The following RASA2 variants were observed in gnomAD, a reference collection of about 807,000 sequenced individuals.
RASA2 encodes the protein ras GTPase-activating protein 2.
RASA2 carries 155 observed loss-of-function variants against 118.2 expected under a neutral mutation model. The observed-to-expected ratio is 1.31, with a 90% CI of 1.15 to 1.50. RASA2 has a LOEUF of 1.50. Among genes scored for constraint, RASA2 ranks in the 40% most tolerant of loss-of-function variants. The probability of loss-of-function intolerance (pLI) is 0.00; values close to 1 mark genes in which losing one functional copy is unlikely to be tolerated. For missense variants in RASA2, 1,016 were observed against 1,009.6 expected, an observed-to-expected ratio of 1.01 and a Z score of -0.09; for synonymous variants, 353 against 349.1, an observed-to-expected ratio of 1.01 and a Z score of -0.12.
At chr3:141,492,194 A>C (rs930696209) in intron 1 of RASA2, among the ~76,000 whole-genome samples, 2 of 152,246 alleles carry the variant, frequency 1.3e-5, no homozygotes, top group Non-Finnish European at 2.9e-5. Context: ...TAGATCCTTA[A>C]GTGACTAATA....
At chr3:141,489,297 A>T (rs1472013418) in intron 1 of RASA2, among the ~76,000 whole-genome samples, 1 of 152,196 alleles carries the variant, frequency 6.6e-6, no homozygotes, top group East Asian at 1.9e-4. Flanking sequence ...CTCCTTTTAA[A>T]TGATGTAATC....
At chr3:141,607,143 A>G (rs2083561055) in intron 19 of RASA2, among the ~76,000 whole-genome samples, 1 of 152,148 alleles carries the variant, frequency 6.6e-6, no homozygotes, top group South Asian at 2.1e-4. Flanking sequence ...TAAATTTTGT[A>G]GCTTTTGATC....
intron 1 of RASA2, among the ~76,000 whole-genome samples, chr3:141,508,082 C>A (rs2081895897): frequency 6.6e-6 from 1 of 151,824 alleles, no homozygotes; most frequent in African/African-American, 2.4e-5. Context: ...TTGAGAAACT[C>A]ATTTGTTTCT....
chr3:141,573,033 G>A (rs1391547170), intron 12 of RASA2, 114 bp from the exon 13 acceptor site: 9 of 922,102 alleles, frequency 9.8e-6, no homozygotes, highest in African/African-American at 3.5e-5. Flanking sequence ...GACATTTTAC[G>A]CTTTGCTACA....
At chr3:141,584,144 A>G (rs1473459665) in intron 17 of RASA2, among the ~76,000 whole-genome samples, 1 of 152,036 alleles carries the variant, frequency 6.6e-6, no homozygotes, top group Non-Finnish European at 1.5e-5. Flanking sequence ...CAGCCTGGCC[A>G]ATATGGTTAA....
Position 141,571,423 on chromosome 3 carries a change from T to C in RASA2, c.1038T>C (p.Ala346=). The change falls in exon 11 of 24, where the codon GCT becomes GCC. Residue 346 remains alanine, a synonymous_variant. Transcript: ENST00000286364. ...GTATTTAGCCAATATCTGCCTCAGC[T>C]GCTTACATTTTGAGTGAAATATGTC... ...SPDVQPISAS[A]AYILSEICRD... 1 of 1,613,724 alleles carries C rather than the reference T, an allele frequency of 6.2e-7. No individual in the cohort carries two copies. Among genetic ancestry groups the C allele is most frequent in the Non-Finnish European group, 8.5e-7 (1 of 1,179,832 alleles).
intron 5 of RASA2, among the ~76,000 whole-genome samples, chr3:141,547,887 A>G (rs1560023672): frequency 6.6e-6 from 1 of 152,084 alleles, no homozygotes. Context: ...GGGTTTTATT[A>G]TTATGAAGGA....
In RASA2 at chr3:141,516,400, TA is replaced by T; in HGVS notation, c.326del (p.Lys109ArgfsTer10). ...AGTATTTGTCTTTCTATGTTTATGATAAGAATGTTTTACAAAGAGATCTCCG... is the reference window on the plus strand; with the variant it reads ...AGTATTTGTCTTTCTATGTTTATGATAGAATGTTTTACAAAGAGATCTCCG... ...FQYLSFYVYDKNVLQRDLRIG... is the reference protein window; with the variant it reads ...FQYLSFYVYDXNVLQRDLRIG... On this transcript the variant is annotated frameshift_variant, in exon 3 of 24. Coordinates refer to ENST00000286364, the MANE Select transcript of RASA2 (RefSeq NM_006506.5). LOFTEE classifies it high-confidence loss of function. 1 of 1,558,108 alleles carries T rather than the reference TA, an allele frequency of 6.4e-7. No homozygotes were observed. Among genetic ancestry groups the T allele is most frequent in the Non-Finnish European group, 8.7e-7 (1 of 1,152,950 alleles).
rs1407647153 is a variant in RASA2 at position 141,538,131 on chromosome 3, A to T, written c.451-2402A>T. Among the ~76,000 whole-genome samples, 4 of 151,192 alleles carry T rather than the reference A, an allele frequency of 2.6e-5. No homozygotes were observed. In the East Asian group the frequency reaches 5.8e-4, roughly 22 times the overall value. ...CACACACACACACACACACACACAC[A>T]AACTTGTTTTGCTGCAATTCAAATC... On this transcript the variant is annotated intron_variant, in intron 4 of 23. Transcript: ENST00000286364.
In RASA2 at chr3:141,573,953, C is replaced by T. The variant is rs774060599; in HGVS notation, c.1369C>T (p.Arg457Cys). The T allele has an allele frequency of 9.5e-6, 15 of 1,579,848 alleles. No homozygotes were observed. The highest frequency in any genetic ancestry group is 4.6e-5 in the East Asian group (2 of 43,166). Reference sequence around the variant, plus strand: ...TTTTTAAATCCTGCAGGAGAATCTGCGCTACTATGTAGACAAGTTATTCAA... The same window carrying T: ...TTTTTAAATCCTGCAGGAGAATCTGTGCTACTATGTAGACAAGTTATTCAA... ...DNVENNKENL[R>C]YYVDKLFNTI... The change falls in exon 14 of 24, where the codon CGC (arginine) becomes TGC (cysteine). Residue 457 changes from arginine (R) to cysteine (C), a missense_variant. Physicochemically the swap from Arg to Cys is radical, Grantham distance 180 (BLOSUM62 -3). Coordinates refer to ENST00000286364, the MANE Select transcript of RASA2 (RefSeq NM_006506.5).
At chr3:141,580,028 C>A (rs1277946790) in intron 15 of RASA2, among the ~76,000 whole-genome samples, 2 of 131,606 alleles carry the variant, frequency 1.5e-5, no homozygotes, top group Non-Finnish European at 3.1e-5. Flanking sequence ...TACACTCCAG[C>A]CTGGGCAACA....
chr3:141,531,122 A>C (rs1428672016), intron 4 of RASA2, among the ~76,000 whole-genome samples: 1 of 152,060 alleles, frequency 6.6e-6, no homozygotes, highest in Admixed American at 6.6e-5. Context: ...TATTTCCCTA[A>C]TATTCCTTTA....
intron 4 of RASA2, 92 bp from the exon 5 acceptor site, chr3:141,540,441 G>C: frequency 2.0e-6 from 2 of 1,019,806 alleles, no homozygotes; most frequent in Non-Finnish European, 3.0e-6. Context: ...GTGGTCAGTG[G>C]ATAAATACTG....
chr3:141,600,235 TGAAGGAAA>T (rs1331518608), intron 19 of RASA2: 1 of 493,966 alleles, frequency 2.0e-6, no homozygotes, highest in African/African-American at 2.0e-5. Flanking sequence ...AAAGGTTTCT[TGAAGGAAA>T]GAAGGAGGAC....
chr3:141,524,145 C>T (rs915922226), intron 3 of RASA2, among the ~76,000 whole-genome samples: 1 of 152,146 alleles, frequency 6.6e-6, no homozygotes, highest in African/African-American at 2.4e-5. Flanking sequence ...AGCTGAGTGG[C>T]TCGGCTGGTC....
chr3:141,566,510 A>G (rs955149921), intron 9 of RASA2, among the ~76,000 whole-genome samples: 5 of 152,240 alleles, frequency 3.3e-5, no homozygotes, highest in East Asian at 1.9e-4. Context: ...GCTATTACCA[A>G]TTCTAATCTA....
intron 19 of RASA2, among the ~76,000 whole-genome samples, chr3:141,602,996 T>TC (rs397821198): frequency 6.6e-6 from 1 of 151,914 alleles, no homozygotes; most frequent in African/African-American, 2.4e-5. Context: ...CCAGTAAAAC[T>TC]TGTATTTTCA....
intron 20 of RASA2, among the ~76,000 whole-genome samples, chr3:141,608,187 G>A (rs1327066217): frequency 6.6e-6 from 1 of 152,052 alleles, no homozygotes; most frequent in African/African-American, 2.4e-5. Flanking sequence ...TTTTTCTACT[G>A]CTTTTTCTTT....
chr3:141,516,628 T>G (rs1228579762), intron 3 of RASA2, among the ~76,000 whole-genome samples, 197 bp downstream of exon 3: 1 of 152,188 alleles, frequency 6.6e-6, no homozygotes, highest in Non-Finnish European at 1.5e-5. Context: ...AGGGAGGCCT[T>G]TGCAGCTCCC....
Sources: allele counts gnomAD v4.1 joint callset (sites outside exome capture counted in the v4.1 genomes callset), GRCh38; gene constraint gnomAD v4.1.1; transcripts MANE v1.5; gene names NCBI Gene and HGNC (gene_info 2026-07-23, HGNC 2026-07-21).